KDM3A: variants seen among roughly 807,000 people sequenced by gnomAD.
KDM3A encodes the protein lysine-specific demethylase 3A.
A neutral mutation model predicts 158.0 loss-of-function variants in KDM3A; 60 were observed. The ratio of observed to expected loss-of-function variants is 0.38; its 90% CI spans 0.31 to 0.47. The LOEUF is 0.47. Among genes scored for constraint, KDM3A ranks in the 20% least tolerant of loss-of-function variants. KDM3A has a pLI of 0.99. For synonymous variants in KDM3A, 608 were observed against 549.3 expected (o/e 1.11, Z -1.49); for missense variants, 1,319 against 1,574.3 (o/e 0.84, Z 2.74).
intron 12 of KDM3A, 31 bp from the exon 13 acceptor site, chr2:86,477,846 C>A (rs749618757): frequency 6.4e-7 from 1 of 1,564,286 alleles, no homozygotes; most frequent in Non-Finnish European, 8.7e-7. Flanking sequence ...CCTCTCCTTC[C>A]AAAGACTAAG....
upstream of KDM3A, among the ~76,000 whole-genome samples, chr2:86,438,261 C>A (rs1682523606): frequency 6.6e-6 from 1 of 151,902 alleles, no homozygotes; most frequent in African/African-American, 2.4e-5. Flanking sequence ...GTTAATGTAG[C>A]AGATTCCATT....
chr2:86,446,721 TAA>T (rs965781085), intron 2 of KDM3A, among the ~76,000 whole-genome samples: 8 of 152,234 alleles, frequency 5.3e-5, no homozygotes, highest in East Asian at 1.9e-4. Flanking sequence ...AAAAATAAAA[TAA>T]GTGTTTTTTT....
In KDM3A at chr2:86,478,269, T is replaced by A. The variant is rs1296697407; in HGVS notation, c.2188+4T>A. On this transcript the variant is annotated splice_donor_region_variant and intron_variant, in intron 14 of 25. Coordinates refer to ENST00000312912, the MANE Select transcript of KDM3A (RefSeq NM_018433.6). ...ACACAGATCATTCCTGGAAAAGGTA[T>A]TTCATGTGCTGCAGTGATTTTCTTT... The A allele has an allele frequency of 1.2e-5, 19 of 1,592,828 alleles. No individual in the cohort carries two copies. Among genetic ancestry groups the A allele is most frequent in the Non-Finnish European group, 1.6e-5 (19 of 1,160,830 alleles).
intron 2 of KDM3A, among the ~76,000 whole-genome samples, chr2:86,446,711 AAAAAT>A (rs1455113256): frequency 2.6e-5 from 4 of 152,364 alleles, no homozygotes; most frequent in South Asian, 2.1e-4. Context: ...CTCTGTCTCA[AAAAAT>A]AAAATAAGTG....
intron 1 of KDM3A, 32 bp from the exon 2 acceptor site, chr2:86,441,986 C>A: frequency 6.3e-7 from 1 of 1,583,748 alleles, no homozygotes; most frequent in Admixed American, 1.7e-5. Context: ...CACCGGCCGC[C>A]CCCGTCGCAT....
At chr2:86,484,875 A>T in intron 19 of KDM3A, 67 bp from the exon 20 acceptor site, 2 of 965,330 alleles carry the variant, frequency 2.1e-6, no homozygotes, top group South Asian at 3.1e-5. Flanking sequence ...TAAAATGCTA[A>T]TTTGTCATTT....
rs546074803 is a variant in KDM3A, at chr2:86,490,568, C to A, written c.3574-313C>A. 6.2e-5 allele frequency: 12 copies of A among 193,256 alleles called. No homozygotes were observed. In the South Asian group the frequency reaches 1.6e-3, roughly 26 times the overall value. The allele number at this position is 193,256 out of a possible 1,614,324, so 12.0% of individuals were successfully genotyped here. A position where few individuals can be genotyped will look rare whatever the true frequency, so the allele number is the denominator to read the frequency against. Reference sequence around the variant, plus strand: ...GTTTCTAATAACTTTAAAACAAGTTCATTTATAAGGATACTGAGCCTACTT... The same window carrying A: ...GTTTCTAATAACTTTAAAACAAGTTAATTTATAAGGATACTGAGCCTACTT... On this transcript the variant is annotated intron_variant, in intron 23 of 25. Transcript: ENST00000312912.
chr2:86,437,373 CTGAAG>C (rs1209793777), upstream of KDM3A, among the ~76,000 whole-genome samples: 3 of 152,118 alleles, frequency 2.0e-5, no homozygotes, highest in East Asian at 5.8e-4. Context: ...AACTCCTGAC[CTGAAG>C]TGATCTGCCA....
intron 18 of KDM3A, 171 bp downstream of exon 18, chr2:86,482,865 T>A: frequency 1.5e-6 from 1 of 647,372 alleles, no homozygotes; most frequent in South Asian, 1.9e-5. Context: ...GTCTTACTTT[T>A]TAAAGCAGAT....
chr2:86,477,982 G>C lies in KDM3A; in HGVS notation c.2045G>C (p.Gly682Ala). Residue 682 changes from glycine to alanine, a missense_variant, in exon 13 of 26, where the codon GGA becomes GCA. Physicochemically the swap from Gly to Ala is moderately conservative, Grantham distance 60 (BLOSUM62 0). Coordinates refer to ENST00000312912, the MANE Select transcript of KDM3A (RefSeq NM_018433.6). ...TGGGTGTGTCCTCGGTGTGGGTTTG[G>C]AGTATGTGTGGACTGCTACCGGATG... ...LHWVCPRCGF[G>A]VCVDCYRMKR... 6.2e-7 allele frequency: 1 copy of C among 1,614,180 alleles called. No individual in the cohort carries two copies. Among genetic ancestry groups the C allele is most frequent in the Non-Finnish European group, 8.5e-7 (1 of 1,180,026 alleles).
chr2:86,490,235 AC>A (rs1674390177), intron 23 of KDM3A: 1 of 152,500 alleles, frequency 6.6e-6, no homozygotes, highest in East Asian at 1.9e-4. Context: ...ATTGTTTGGC[AC>A]TGAGGCTGCC....
At chr2:86,447,931 A>G (rs1310431596) in intron 2 of KDM3A, among the ~76,000 whole-genome samples, 2 of 152,226 alleles carry the variant, frequency 1.3e-5, no homozygotes, top group Non-Finnish European at 2.9e-5. Flanking sequence ...AATATGGAGC[A>G]GAAAGACTAG....
chr2:86,450,320 A>G (rs1047074620), intron 3 of KDM3A, among the ~76,000 whole-genome samples: 2 of 152,204 alleles, frequency 1.3e-5, no homozygotes, highest in African/African-American at 4.8e-5. Flanking sequence ...CTAGATTTCC[A>G]TTGTCTCTTA....
intron 3 of KDM3A, among the ~76,000 whole-genome samples, chr2:86,450,772 A>T (rs1009327004): frequency 8.6e-5 from 13 of 151,902 alleles, no homozygotes; most frequent in Non-Finnish European, 1.5e-4. Flanking sequence ...TTTTTTTTCC[A>T]GCTGTTTAGA....
At chr2:86,445,491 C>CT (rs1356304521) in intron 2 of KDM3A, among the ~76,000 whole-genome samples, 1 of 152,064 alleles carries the variant, frequency 6.6e-6, no homozygotes, top group Non-Finnish European at 1.5e-5. Flanking sequence ...TGAAGCCTAC[C>CT]TTTTTCTTGA....
At chr2:86,480,489 C>A in intron 16 of KDM3A, 127 bp downstream of exon 16, 2 of 752,886 alleles carry the variant, frequency 2.7e-6, no homozygotes, top group Non-Finnish European at 4.1e-6. Context: ...CTGGAACCTG[C>A]CACAAATGAA....
rs757541142 is a variant in KDM3A at position 86,492,052 on chromosome 2, T to C, written c.3899T>C (p.Ile1300Thr). Reference sequence around the variant, plus strand: ...TACTATTTTTAGGTGAAGAATGTTATCTACCATGCAGTGAAAGATGCAGTT... The same window carrying C: ...TACTATTTTTAGGTGAAGAATGTTACCTACCATGCAGTGAAAGATGCAGTT... ...HEDKLQVKNVIYHAVKDAVAM... is the reference protein window; with the variant it reads ...HEDKLQVKNVTYHAVKDAVAM... The change falls in exon 26 of 26, where the codon ATC (isoleucine) becomes ACC (threonine). Residue 1300 changes from isoleucine (I) to threonine (T), a missense_variant. Transcript: ENST00000312912. 6.2e-7 allele frequency: 1 copy of C among 1,612,246 alleles called. No homozygotes were observed. Among genetic ancestry groups the C allele is most frequent in the Non-Finnish European group, 8.5e-7 (1 of 1,178,748 alleles).
At chr2:86,455,016 C>A in intron 4 of KDM3A, 69 bp from the exon 5 acceptor site, 2 of 853,450 alleles carry the variant, frequency 2.3e-6, no homozygotes, top group Non-Finnish European at 3.7e-6. Context: ...TTGAAATAGC[C>A]CACTGGAATT....
At chr2:86,457,790 T>C (rs1672768307) in intron 8 of KDM3A, among the ~76,000 whole-genome samples, 1 of 152,150 alleles carries the variant, frequency 6.6e-6, no homozygotes, top group African/African-American at 2.4e-5. Context: ...ACAAATGTAT[T>C]TCAAGGAAAG....
Sources: allele counts gnomAD v4.1 joint callset (sites outside exome capture counted in the v4.1 genomes callset), GRCh38; gene constraint gnomAD v4.1.1; transcripts MANE v1.5; gene names NCBI Gene and HGNC (gene_info 2026-07-23, HGNC 2026-07-21).